Variants in KCNIP1 observed in about 807,000 individuals in gnomAD.
The protein encoded by KCNIP1 is potassium voltage-gated channel interacting protein 1, also known as A-type potassium channel modulatory protein KCNIP1.
Under a neutral mutation model 33.0 loss-of-function variants are expected in KCNIP1, and 18 were observed. That is an observed-to-expected ratio of 0.55 (90% CI 0.38 to 0.81). KCNIP1 has a LOEUF of 0.81. Among genes scored for constraint, KCNIP1 ranks in the 30% least tolerant of loss-of-function variants. KCNIP1 has a pLI of 0.00. For missense variants in KCNIP1, 238 were observed against 271.6 expected (o/e 0.88, Z 0.87); for synonymous variants, 93 against 98.3 (o/e 0.95, Z 0.32).
chr5:170,584,471 T>C (rs1459685101), intron 1 of KCNIP1, among the ~76,000 whole-genome samples: 1 of 152,000 alleles, frequency 6.6e-6, no homozygotes, highest in Non-Finnish European at 1.5e-5. Flanking sequence ...AATGCCAAAC[T>C]AGGAAGCCTG....
In KCNIP1 at chr5:170,519,660, A is replaced by G. The variant is rs532578710; in HGVS notation, c.61+15027A>G. On this transcript the variant is annotated intron_variant, in intron 1 of 7. Coordinates refer to ENST00000328939, the MANE Select transcript of KCNIP1 (RefSeq NM_014592.4). Reference sequence around the variant, plus strand: ...GAAAGACCAAAGTGGTTTTTGGATTAGAGCTGCCTGCAGCCTTTATCTGTC... The same window carrying G: ...GAAAGACCAAAGTGGTTTTTGGATTGGAGCTGCCTGCAGCCTTTATCTGTC... Among the ~76,000 whole-genome samples the G allele has an allele frequency of 2.4e-3, 367 of 152,334 alleles. 1 individual carries two copies. The highest frequency in any genetic ancestry group is 8.3e-3 in the African/African-American group (345 of 41,572).
At chr5:170,492,407 G>C (rs1329875875) in intron 1 of KCNIP1, among the ~76,000 whole-genome samples, 2 of 152,250 alleles carry the variant, frequency 1.3e-5, no homozygotes, top group Non-Finnish European at 2.9e-5. Context: ...CTTTCTCCCA[G>C]CACTTGGACG....
intron 1 of KCNIP1, among the ~76,000 whole-genome samples, chr5:170,530,234 G>A (rs926660155): frequency 2.6e-5 from 4 of 152,168 alleles, no homozygotes; most frequent in Non-Finnish European, 4.4e-5. Context: ...AACATGGAAG[G>A]TTGCTGAGAC....
intron 1 of KCNIP1, among the ~76,000 whole-genome samples, chr5:170,594,589 C>A (rs1365334222): frequency 2.0e-5 from 3 of 152,162 alleles, no homozygotes; most frequent in Non-Finnish European, 4.4e-5. Flanking sequence ...CGGCTCACTG[C>A]AACATCCGCC....
rs756949055 is a variant in KCNIP1 at position 170,693,050 on chromosome 5, C to T, written c.62-25708C>T. 4.6e-5 allele frequency among the ~76,000 whole-genome samples: 7 copies of T among 152,198 alleles called. No homozygotes were observed. In the South Asian group the frequency reaches 6.2e-4, roughly 13 times the overall value. On this transcript the variant is annotated intron_variant, in intron 1 of 7. Transcript: ENST00000328939. ...ATAGAGAGAACTGCCCAAGGTTACA[C>T]GAGTAGAAATTTGGTGTCCCCACCA...
At chr5:170,488,397 G>T (rs1326918873) in intron 1 of KCNIP1, among the ~76,000 whole-genome samples, 1 of 152,182 alleles carries the variant, frequency 6.6e-6, no homozygotes, top group Non-Finnish European at 1.5e-5. Flanking sequence ...CCTGGGTGAT[G>T]AATGAGTAGT....
At chr5:170,591,988 G>A (rs544723547) in intron 1 of KCNIP1, among the ~76,000 whole-genome samples, 1 of 152,240 alleles carries the variant, frequency 6.6e-6, no homozygotes, top group African/African-American at 2.4e-5. Context: ...GGATCATATG[G>A]TAATCCTATT....
intron 1 of KCNIP1, among the ~76,000 whole-genome samples, chr5:170,444,691 T>A (rs1756069461): frequency 7.1e-6 from 1 of 141,686 alleles, no homozygotes; most frequent in African/African-American, 2.7e-5. Context: ...TTATATTTTT[T>A]CTTTTTTTAA....
intron 1 of KCNIP1, among the ~76,000 whole-genome samples, chr5:170,667,957 G>A (rs1233395761): frequency 6.6e-6 from 1 of 152,160 alleles, no homozygotes; most frequent in African/African-American, 2.4e-5. Flanking sequence ...ACATTTTACA[G>A]AATCTCATTG....
intron 1 of KCNIP1, among the ~76,000 whole-genome samples, chr5:170,583,565 C>T (rs1048832585): frequency 6.6e-6 from 1 of 152,222 alleles, no homozygotes. Context: ...GATGCTTTAG[C>T]TAGCCTAAGG....
chr5:170,425,437 AG>A (rs1236051587), intron 1 of KCNIP1, among the ~76,000 whole-genome samples: 5 of 152,160 alleles, frequency 3.3e-5, no homozygotes, highest in Admixed American at 3.3e-4. Flanking sequence ...CTGGCCATGC[AG>A]GTGATGGCAG....
chr5:170,697,499 G>A (rs1041871769), intron 1 of KCNIP1, among the ~76,000 whole-genome samples: 1 of 152,186 alleles, frequency 6.6e-6, no homozygotes, highest in Non-Finnish European at 1.5e-5. Context: ...TGAACCTACA[G>A]GCTGATACTT....
At chr5:170,474,198 C>A (rs776950767) in intron 1 of KCNIP1, among the ~76,000 whole-genome samples, 1 of 152,142 alleles carries the variant, frequency 6.6e-6, no homozygotes, top group African/African-American at 2.4e-5. Context: ...TTCTATTACC[C>A]GAGAGGCTTT....
Position 170,510,155 on chromosome 5 carries a change from T to G in KCNIP1, c.61+5522T>G, listed in dbSNP as rs533073128. Among the ~76,000 whole-genome samples, 35 of 152,338 alleles carry G rather than the reference T, an allele frequency of 2.3e-4. No homozygotes were observed. The South Asian group carries it at 6.2e-3, about 27-fold the overall frequency. On this transcript the variant is annotated intron_variant, in intron 1 of 7. Coordinates refer to ENST00000328939, the MANE Select transcript of KCNIP1 (RefSeq NM_014592.4). ...CAATGCCACCGCTCTGGGAAGCCTTTCCTGGCTTCTGTAGGCAGAGCACAT... is the reference window on the plus strand; with the variant it reads ...CAATGCCACCGCTCTGGGAAGCCTTGCCTGGCTTCTGTAGGCAGAGCACAT...
At chr5:170,644,360 G>A (rs766999469) in intron 1 of KCNIP1, among the ~76,000 whole-genome samples, 1 of 152,212 alleles carries the variant, frequency 6.6e-6, no homozygotes, top group Non-Finnish European at 1.5e-5. Context: ...GATTGAGTGT[G>A]TTGATATCTG....
At chr5:170,585,173 G>C (rs1037140582) in intron 1 of KCNIP1, among the ~76,000 whole-genome samples, 1 of 152,058 alleles carries the variant, frequency 6.6e-6, no homozygotes, top group Non-Finnish European at 1.5e-5. Flanking sequence ...AAAAATCTGA[G>C]TTGAAAGCTT....
intron 1 of KCNIP1, chr5:170,378,802 A>T: frequency 6.2e-7 from 1 of 1,614,138 alleles, no homozygotes; most frequent in Non-Finnish European, 8.5e-7. Flanking sequence ...CAGAAGAGGG[A>T]GAAGAGGAGG....
chr5:170,609,696 T>C (rs1453978560), intron 1 of KCNIP1, among the ~76,000 whole-genome samples: 1 of 151,808 alleles, frequency 6.6e-6, no homozygotes, highest in Non-Finnish European at 1.5e-5. Flanking sequence ...AAAATAAAAA[T>C]AATACAAAAA....
At chr5:170,569,773 G>C (rs568328555) in intron 1 of KCNIP1, among the ~76,000 whole-genome samples, 58 of 152,106 alleles carry the variant, frequency 3.8e-4, no homozygotes, top group Middle Eastern at 3.4e-3. Context: ...AGGTTGAAAG[G>C]TGTCTGGCAC....
Sources: gnomAD v4.1 joint callset for allele counts (sites outside exome capture counted in the v4.1 genomes callset) on GRCh38, gnomAD v4.1.1 for gene constraint, MANE v1.5 for transcripts, NCBI Gene and HGNC (gene_info 2026-07-23, HGNC 2026-07-21) for gene names.